Variants in VWA3B observed in about 807,000 individuals in gnomAD.
The protein encoded by VWA3B is von Willebrand factor A domain-containing protein 3B.
In VWA3B, 138 loss-of-function variants were observed where a neutral mutation model predicts 158.3. That is an observed-to-expected ratio of 0.87 (90% CI 0.76 to 1.00). The LOEUF (loss-of-function observed/expected upper bound fraction) is 1.00, where lower values mean the gene tolerates loss of function less well. VWA3B is among the 50% of genes least tolerant of loss of function. The pLI, the probability that VWA3B is intolerant of heterozygous loss-of-function variation, is 0.00. For synonymous variants in VWA3B, 596 were observed against 587.3 expected (o/e 1.01, Z -0.21); for missense variants, 1,555 against 1,565.1 (o/e 0.99, Z 0.11).
At chr2:98,264,188 T>A (rs1687652740) in intron 21 of VWA3B, among the ~76,000 whole-genome samples, 1 of 151,908 alleles carries the variant, frequency 6.6e-6, no homozygotes, top group African/African-American at 2.4e-5. Flanking sequence ...AAAAAACAAA[T>A]CTTGCTTTCA....
intron 2 of VWA3B, among the ~76,000 whole-genome samples, chr2:98,108,688 T>G (rs994807652): frequency 5.7e-4 from 86 of 152,202 alleles, no homozygotes; most frequent in African/African-American, 2.0e-3. Context: ...AATATTTGCA[T>G]GGCCTATCTT....
chr2:98,260,691 A>C (rs898977430), intron 21 of VWA3B, among the ~76,000 whole-genome samples: 1 of 151,750 alleles, frequency 6.6e-6, no homozygotes, highest in African/African-American at 2.4e-5. Flanking sequence ...GATTCTGTCA[A>C]TATATGCTTC....
In VWA3B at chr2:98,140,229, C is replaced by A. The variant is rs996804567; in HGVS notation, c.988+6290C>A. ...TTCTTGAAGTCAGTGAGACCAAGAA[C>A]CCACCAATTCCGGACACAACCGCAT... On this transcript the variant is annotated intron_variant, in intron 7 of 27. Transcript: ENST00000477737. Among the ~76,000 whole-genome samples the A allele has an allele frequency of 2.0e-5, 3 of 152,374 alleles. No individual in the cohort carries two copies. In the East Asian group the frequency reaches 5.8e-4, roughly 29 times the overall value.
chr2:98,290,473 C>A, intron 22 of VWA3B, 38 bp from the exon 23 acceptor site: 1 of 1,481,618 alleles, frequency 6.7e-7, no homozygotes, highest in African/African-American at 1.4e-5. Flanking sequence ...TCTGCATTCA[C>A]TTTTTCTCAT....
intron 7 of VWA3B, among the ~76,000 whole-genome samples, chr2:98,135,854 A>G (rs1676243145): frequency 6.6e-6 from 1 of 152,090 alleles, no homozygotes; most frequent in Non-Finnish European, 1.5e-5. Context: ...AAAATGTGTG[A>G]TTTCCCACCT....
In VWA3B at chr2:98,194,408, T is replaced by C; in HGVS notation, c.1653T>C (p.Gly551=). Residue 551 remains glycine, a synonymous_variant, in exon 12 of 28, where the codon GGT becomes GGC. Transcript: ENST00000477737. ...KSKFNFVKFD[G]QAVAWREQLA... ...AGTTTAACTTTGTGAAGTTTGATGG[T>C]CAAGCAGTTGCTTGGCGGGAACAAC... 1 of 1,614,066 alleles carries C rather than the reference T, an allele frequency of 6.2e-7. No individual in the cohort carries two copies. Among genetic ancestry groups the C allele is most frequent in the Non-Finnish European group, 8.5e-7 (1 of 1,179,924 alleles).
intron 19 of VWA3B, among the ~76,000 whole-genome samples, chr2:98,243,393 G>C (rs1686200638): frequency 6.6e-6 from 1 of 151,888 alleles, no homozygotes; most frequent in African/African-American, 2.4e-5. Context: ...GAGTGCAATG[G>C]TGTGATCTCT....
At chr2:98,136,832 C>T (rs906743393) in intron 7 of VWA3B, among the ~76,000 whole-genome samples, 1 of 152,198 alleles carries the variant, frequency 6.6e-6, no homozygotes, top group African/African-American at 2.4e-5. Flanking sequence ...CGCCATTCTA[C>T]TTTCTTTCTG....
In VWA3B at chr2:98,198,356, C is replaced by G. The variant is rs369846315; in HGVS notation, c.1737+3864C>G. Among the ~76,000 whole-genome samples, 49 of 150,622 alleles carry G rather than the reference C, an allele frequency of 3.3e-4. No individual in the cohort carries two copies. In the East Asian group the frequency reaches 5.2e-3, roughly 16 times the overall value. On this transcript the variant is annotated intron_variant, in intron 12 of 27. Coordinates refer to ENST00000477737, the MANE Select transcript of VWA3B (RefSeq NM_144992.5). Reference sequence around the variant, plus strand: ...AGTGTTTGTATACAGCTTTTTTTTTCTGCTTTAACTTTACAGTATCCATTC... The same window carrying G: ...AGTGTTTGTATACAGCTTTTTTTTTGTGCTTTAACTTTACAGTATCCATTC...
chr2:98,112,602 A>G (rs1440975657), intron 2 of VWA3B, among the ~76,000 whole-genome samples: 1 of 151,564 alleles, frequency 6.6e-6, no homozygotes, highest in Non-Finnish European at 1.5e-5. Flanking sequence ...TCTTGTTTTC[A>G]GCTATTGATA....
At chr2:98,255,446 A>G (rs1404873936) in intron 20 of VWA3B, among the ~76,000 whole-genome samples, 1 of 151,762 alleles carries the variant, frequency 6.6e-6, no homozygotes, top group Non-Finnish European at 1.5e-5. Context: ...ATGACACAGA[A>G]CTGGGCTGGG....
At chr2:98,106,469 A>G (rs1039536268) in intron 2 of VWA3B, among the ~76,000 whole-genome samples, 5 of 152,204 alleles carry the variant, frequency 3.3e-5, no homozygotes, top group Non-Finnish European at 7.3e-5. Flanking sequence ...TTAAAGGAGA[A>G]TTGACATCTT....
At chr2:98,190,989 C>T (rs2105408968) in intron 10 of VWA3B, among the ~76,000 whole-genome samples, 1 of 152,204 alleles carries the variant, frequency 6.6e-6, no homozygotes, top group South Asian at 2.1e-4. Flanking sequence ...TGTTAGACTC[C>T]TTGATATTGT....
At chr2:98,303,574 T>G in intron 25 of VWA3B, 128 bp from the exon 26 acceptor site, 1 of 836,862 alleles carries the variant, frequency 1.2e-6, no homozygotes, top group African/African-American at 1.7e-5. Flanking sequence ...TGAACTACTC[T>G]TTTAAGTGTC....
chr2:98,314,983 C>CA (rs1247032638), downstream of VWA3B, among the ~76,000 whole-genome samples: 7,804 of 104,362 alleles, frequency 0.075, 226 homozygotes, highest in Middle Eastern at 0.15. Context: ...GAGTCCATCT[C>CA]AAAAAAAAAA....
At chr2:98,210,456 G>A (rs1683416539) in intron 12 of VWA3B, among the ~76,000 whole-genome samples, 1 of 152,198 alleles carries the variant, frequency 6.6e-6, no homozygotes, top group Non-Finnish European at 1.5e-5. Flanking sequence ...GTCTGGTTTT[G>A]TAGGTTATGT....
chr2:98,217,849 C>T lies in VWA3B; in HGVS notation c.1840C>T (p.Pro614Ser). 1 of 1,584,414 alleles carries T rather than the reference C, an allele frequency of 6.3e-7. No homozygotes were observed. Among genetic ancestry groups the T allele is most frequent in the Non-Finnish European group, 8.5e-7 (1 of 1,169,648 alleles). Residue 614 changes from proline to serine, a missense_variant, in exon 14 of 28, where the codon CCT becomes TCT. By Grantham distance (74) the Pro-to-Ser change is moderately conservative (BLOSUM62 -1). Transcript: ENST00000477737. The stretch of plus-strand genomic sequence containing the variant: ...TCCCCAAAACTTATCGTTTCAGCCA[C>T]CTGAAACAGTTATAGACCAGGTCAA... Reference protein sequence around the residue: ...LLTDGRPDQPPETVIDQVKRF... With the variant: ...LLTDGRPDQPSETVIDQVKRF...
At chr2:98,161,369 T>C (rs1678560884) in intron 7 of VWA3B, among the ~76,000 whole-genome samples, 1 of 152,190 alleles carries the variant, frequency 6.6e-6, no homozygotes, top group South Asian at 2.1e-4. Flanking sequence ...GGCTAAGTAA[T>C]GAAGCTGTGG....
chr2:98,258,652 A>G (rs893930891), intron 21 of VWA3B, among the ~76,000 whole-genome samples: 3 of 151,864 alleles, frequency 2.0e-5, no homozygotes, highest in African/African-American at 4.8e-5. Flanking sequence ...TTGCTGGTAC[A>G]TAAAAACACA....
Sources: gnomAD v4.1 joint callset for allele counts (sites outside exome capture counted in the v4.1 genomes callset) on GRCh38, gnomAD v4.1.1 for gene constraint, MANE v1.5 for transcripts, NCBI Gene and HGNC (gene_info 2026-07-23, HGNC 2026-07-21) for gene names.